The following AMBRA1 variants were observed in gnomAD, a reference collection of about 807,000 sequenced individuals.
AMBRA1 encodes the protein activating molecule in BECN1-regulated autophagy protein 1.
In AMBRA1, 47 loss-of-function variants were observed where a neutral mutation model predicts 125.4. That is an observed-to-expected ratio of 0.37 (90% CI 0.30 to 0.48). The LOEUF (loss-of-function observed/expected upper bound fraction) is 0.48. Ranked by LOEUF, AMBRA1 falls within the 20% of genes least tolerant of loss-of-function variation. The probability of loss-of-function intolerance (pLI) is 0.99; values close to 1 mark genes in which losing one functional copy is unlikely to be tolerated. For synonymous variants in AMBRA1, 626 were observed against 655.5 expected (o/e 0.95, Z 0.69); for missense variants, 1,331 against 1,693.4 (o/e 0.79, Z 3.76).
At chr11:46,487,403 A>G (rs1411221031) in intron 11 of AMBRA1, among the ~76,000 whole-genome samples, 1 of 152,232 alleles carries the variant, frequency 6.6e-6, no homozygotes, top group Non-Finnish European at 1.5e-5. Flanking sequence ...GATGAAAATA[A>G]AAGTAAATTT....
intron 9 of AMBRA1, among the ~76,000 whole-genome samples, chr11:46,497,547 G>A (rs1950682069): frequency 6.6e-6 from 1 of 152,140 alleles, no homozygotes; most frequent in African/African-American, 2.4e-5. Context: ...GCACGACCAG[G>A]AAAATGTGAA....
At chr11:46,461,182 G>A (rs1468441028) in intron 11 of AMBRA1, among the ~76,000 whole-genome samples, 2 of 152,212 alleles carry the variant, frequency 1.3e-5, no homozygotes, top group African/African-American at 4.8e-5. Flanking sequence ...AGTCAAGGCT[G>A]CAGTGAGCTG....
At chr11:46,571,256 C>T (rs957263414) in intron 1 of AMBRA1, among the ~76,000 whole-genome samples, 1 of 152,174 alleles carries the variant, frequency 6.6e-6, no homozygotes, top group Admixed American at 6.6e-5. Flanking sequence ...CACAAAGCTC[C>T]TTCTCCAAAA....
intron 17 of AMBRA1, among the ~76,000 whole-genome samples, chr11:46,404,638 C>T (rs999747114): frequency 3.9e-5 from 6 of 152,208 alleles, no homozygotes; most frequent in South Asian, 4.1e-4. Context: ...GCCAGCTGCC[C>T]GGTCTCACTC....
At chr11:46,511,982 G>A (rs890033872) in intron 8 of AMBRA1, among the ~76,000 whole-genome samples, 7 of 152,186 alleles carry the variant, frequency 4.6e-5, no homozygotes, top group Non-Finnish European at 8.8e-5. Context: ...AGCCTCCCAA[G>A]TAGCTGGGAT....
rs553040136 is a variant in AMBRA1 at position 46,400,473 on chromosome 11, G to GTTTTTTTTTTTTTTTTTTTTT, written c.3404-2551_3404-2531dup. Among the ~76,000 whole-genome samples, 12 of 48,874 alleles carry GTTTTTTTTTTTTTTTTTTTTT rather than the reference G, an allele frequency of 2.5e-4. 5 individuals carry two copies. Among genetic ancestry groups the GTTTTTTTTTTTTTTTTTTTTT allele is most frequent in the South Asian group, 7.9e-4 (1 of 1,258 alleles). 32.1% of individuals were successfully genotyped at this position (48,874 alleles called of 152,430 possible). Reference sequence around the variant, plus strand: ...CCTCATGCTTCTAGTTCTTTCTATAGTTTTTTTTTTTTTTTTTTTTTTTTT... The same window carrying GTTTTTTTTTTTTTTTTTTTTT: ...CCTCATGCTTCTAGTTCTTTCTATAGTTTTTTTTTTTTTTTTTTTTTTTTTTTTTTTTTTTTTTTTTTTTTT... On this transcript the variant is annotated intron_variant, in intron 17 of 17. Coordinates refer to ENST00000683756, the MANE Select transcript of AMBRA1 (RefSeq NM_001387011.1).
At chr11:46,428,697 A>T (rs1447083592) in intron 14 of AMBRA1, 5 of 1,604,338 alleles carry the variant, frequency 3.1e-6, no homozygotes, top group Non-Finnish European at 2.5e-6. Flanking sequence ...CCGCCTCTAA[A>T]CTGGAATTCG....
intron 1 of AMBRA1, among the ~76,000 whole-genome samples, chr11:46,553,063 C>T (rs1474952005): frequency 6.6e-6 from 1 of 151,854 alleles, no homozygotes; most frequent in Admixed American, 6.6e-5. Flanking sequence ...CTGTTTCAGC[C>T]TCCCGAGTAG....
intron 7 of AMBRA1, among the ~76,000 whole-genome samples, chr11:46,515,738 C>T (rs1015651282): frequency 2.0e-5 from 3 of 152,074 alleles, no homozygotes; most frequent in Admixed American, 6.5e-5. Context: ...TGCAGTGGCG[C>T]AATCTTGGCT....
intron 2 of AMBRA1, 141 bp downstream of exon 2, chr11:46,548,105 A>T: frequency 7.5e-7 from 1 of 1,332,236 alleles, no homozygotes. Flanking sequence ...TTTCAAATTT[A>T]CAAACAACTC....
intron 1 of AMBRA1, among the ~76,000 whole-genome samples, chr11:46,592,467 T>C (rs565066175): frequency 6.6e-6 from 1 of 152,162 alleles, no homozygotes; most frequent in East Asian, 1.9e-4. Context: ...ACTAATCAAA[T>C]ACAACAAAAC....
intron 16 of AMBRA1, 147 bp from the exon 17 acceptor site, chr11:46,408,853 G>C (rs1946147738): frequency 1.5e-6 from 1 of 658,092 alleles, no homozygotes; most frequent in African/African-American, 1.9e-5. Context: ...ACTACATCTT[G>C]ATGGTGGTTA....
intron 1 of AMBRA1, among the ~76,000 whole-genome samples, chr11:46,559,957 G>C (rs1052887557): frequency 1.3e-5 from 2 of 152,154 alleles, no homozygotes; most frequent in Admixed American, 6.5e-5. Context: ...TAAAACTCAA[G>C]ATAGAACAAT....
At chr11:46,514,627 G>A (rs1951399539) in intron 7 of AMBRA1, among the ~76,000 whole-genome samples, 1 of 152,078 alleles carries the variant, frequency 6.6e-6, no homozygotes, top group Admixed American at 6.5e-5. Context: ...GTGTGACACA[G>A]TTTAATTGGC....
intron 14 of AMBRA1, among the ~76,000 whole-genome samples, chr11:46,432,786 T>C (rs1947516110): frequency 6.6e-6 from 1 of 152,198 alleles, no homozygotes; most frequent in African/African-American, 2.4e-5. Flanking sequence ...TTGAATACTA[T>C]CTAATTAGAG....
intron 1 of AMBRA1, among the ~76,000 whole-genome samples, chr11:46,589,000 T>C (rs948580665): frequency 4.6e-5 from 7 of 152,140 alleles, no homozygotes; most frequent in African/African-American, 1.7e-4. Flanking sequence ...TTATAAGTAA[T>C]AAATGAAATA....
At chr11:46,462,256 G>A (rs999365113) in intron 11 of AMBRA1, among the ~76,000 whole-genome samples, 5 of 152,144 alleles carry the variant, frequency 3.3e-5, no homozygotes, top group Admixed American at 1.3e-4. Flanking sequence ...GACCAACTCC[G>A]TTGCTGGTCA....
chr11:46,455,498 G>C (rs1198720854), intron 11 of AMBRA1, among the ~76,000 whole-genome samples: 1 of 152,128 alleles, frequency 6.6e-6, no homozygotes, highest in Non-Finnish European at 1.5e-5. Flanking sequence ...TCACAGACAT[G>C]GCATAAAATC....
intron 12 of AMBRA1, among the ~76,000 whole-genome samples, chr11:46,441,705 A>C (rs1298276827): frequency 6.6e-6 from 1 of 152,144 alleles, no homozygotes; most frequent in Non-Finnish European, 1.5e-5. Flanking sequence ...AGAGTTTTCT[A>C]TTCTTTTCTG....
Sources: allele counts gnomAD v4.1 joint callset (sites outside exome capture counted in the v4.1 genomes callset), GRCh38; gene constraint gnomAD v4.1.1; transcripts MANE v1.5; gene names NCBI Gene and HGNC (gene_info 2026-07-23, HGNC 2026-07-21).